Variants in HMCN1 observed in about 807,000 individuals in gnomAD.
HMCN1 encodes hemicentin 1, also known as hemicentin-1.
Under a neutral mutation model 625.9 loss-of-function variants are expected in HMCN1, and 321 were observed. The ratio of observed to expected loss-of-function variants is 0.51; its 90% CI spans 0.47 to 0.56. HMCN1 has a LOEUF of 0.56. HMCN1 is among the 20% of genes least tolerant of loss of function. HMCN1 has a pLI of 0.00. For missense variants in HMCN1, 6,588 were observed against 6,887.3 expected (o/e 0.96, Z 1.54); for synonymous variants, 2,425 against 2,417.6 (o/e 1.00, Z -0.09).
At chr1:186,158,655 G>T (rs1481105102) in intron 97 of HMCN1, among the ~76,000 whole-genome samples, 2 of 152,050 alleles carry the variant, frequency 1.3e-5, no homozygotes, top group Non-Finnish European at 2.9e-5. Context: ...TCTACATATG[G>T]CTAGCCAGTT....
At chr1:185,892,583 G>T (rs940292715) in intron 4 of HMCN1, among the ~76,000 whole-genome samples, 1 of 152,172 alleles carries the variant, frequency 6.6e-6, no homozygotes, top group Admixed American at 6.5e-5. Flanking sequence ...TGAGGTGTCA[G>T]TGTGCCCCTG....
At chr1:185,751,847 TA>T (rs1654836169) in intron 1 of HMCN1, among the ~76,000 whole-genome samples, 1 of 152,124 alleles carries the variant, frequency 6.6e-6, no homozygotes, top group East Asian at 1.9e-4. Context: ...CAAATCTGCT[TA>T]TTTTTTGTTT....
chr1:186,095,395 ACAG>A lies in HMCN1; in HGVS notation c.10448_10450del (p.Thr3483_Val3484delinsIle). On this transcript the variant is annotated inframe_deletion, in exon 68 of 107. Transcript: ENST00000271588. ...GCCTCTGGGGCTTGATGCCCATCTG[ACAG>A]TCAGCACCCATGGAATGGTCCTGCA... The A allele has an allele frequency of 6.2e-7, 1 of 1,613,728 alleles. No homozygotes were observed. Among genetic ancestry groups the A allele is most frequent in the South Asian group, 1.1e-5 (1 of 91,074 alleles).
At chr1:185,797,055 G>T (rs7544394) in intron 1 of HMCN1, among the ~76,000 whole-genome samples, 6,237 of 152,150 alleles carry the variant, frequency 0.041, 418 homozygotes, top group African/African-American at 0.14. Context: ...GTGTAAGATG[G>T]TATCTCATTG....
At chr1:185,956,774 T>C (rs1649661961) in intron 11 of HMCN1, among the ~76,000 whole-genome samples, 1 of 152,222 alleles carries the variant, frequency 6.6e-6, no homozygotes. Context: ...TTGATCTTTC[T>C]GGTGAATTAG....
intron 10 of HMCN1, among the ~76,000 whole-genome samples, chr1:185,932,018 C>G (rs1667575766): frequency 6.6e-6 from 1 of 152,036 alleles, no homozygotes; most frequent in Non-Finnish European, 1.5e-5. Flanking sequence ...ATGTGTGACC[C>G]AAATATTGCA....
Position 186,093,477 on chromosome 1 carries a change from A to C in HMCN1, c.10013-9A>C. 5 of 1,612,882 alleles carry C rather than the reference A, an allele frequency of 3.1e-6. No individual in the cohort carries two copies. The highest frequency in any genetic ancestry group is 4.2e-6 in the Non-Finnish European group (5 of 1,179,338). ...CTCTTCCCTCTCTCTCACTTTCTGC[A>C]CAACATAGTTACACCTACAATTAGG... On this transcript the variant is annotated splice_polypyrimidine_tract_variant and intron_variant, in intron 65 of 106. Transcript: ENST00000271588.
chr1:186,041,289 T>G (rs1443682165), intron 40 of HMCN1, among the ~76,000 whole-genome samples, 153 bp downstream of exon 40: 1 of 152,146 alleles, frequency 6.6e-6, no homozygotes, highest in African/African-American at 2.4e-5. Flanking sequence ...TCTTTCTGCC[T>G]TATATCTGAC....
chr1:186,168,813 T>G (rs377175195), intron 100 of HMCN1, among the ~76,000 whole-genome samples: 3 of 152,202 alleles, frequency 2.0e-5, no homozygotes, highest in East Asian at 3.9e-4. Flanking sequence ...GTACAGAAAG[T>G]GCAGGTTTGT....
At chr1:185,738,077 T>G (rs1360835357) in intron 1 of HMCN1, among the ~76,000 whole-genome samples, 3 of 152,204 alleles carry the variant, frequency 2.0e-5, no homozygotes, top group Non-Finnish European at 4.4e-5. Flanking sequence ...GATTTTGATG[T>G]TAACGGTGGT....
In HMCN1 at chr1:186,171,455, G is replaced by T. The variant is rs772671606; in HGVS notation, c.15688+5G>T. On this transcript the variant is annotated splice_donor_5th_base_variant and intron_variant, in intron 101 of 106. Coordinates refer to ENST00000271588, the MANE Select transcript of HMCN1 (RefSeq NM_031935.3). ...TCAAAGGCAGAAAATGCATGGGTAA[G>T]AAAAGGGCTTTGAATTTAAAGGAAT... 5.0e-6 allele frequency: 8 copies of T among 1,594,306 alleles called. No individual in the cohort carries two copies. The South Asian group carries it at 6.6e-5, about 13-fold the overall frequency.
At chr1:186,051,382 T>C (rs1387488670) in intron 42 of HMCN1, among the ~76,000 whole-genome samples, 1 of 152,010 alleles carries the variant, frequency 6.6e-6, no homozygotes, top group Non-Finnish European at 1.5e-5. Context: ...AGGGTTGAGT[T>C]CAGTTTTGGA....
At chr1:186,102,476 A>C (rs1471349538) in intron 68 of HMCN1, among the ~76,000 whole-genome samples, 1 of 152,098 alleles carries the variant, frequency 6.6e-6, no homozygotes, top group African/African-American at 2.4e-5. Context: ...ACAGAAACAC[A>C]CAAAAAAGTG....
chr1:186,040,876 A>T, intron 39 of HMCN1, 137 bp from the exon 40 acceptor site: 1 of 840,536 alleles, frequency 1.2e-6, no homozygotes, highest in Non-Finnish European at 2.0e-6. Context: ...ATGTTTGCCT[A>T]CTTAAAAATG....
At chr1:185,846,700 G>A (rs1661840370) in intron 2 of HMCN1, among the ~76,000 whole-genome samples, 2 of 152,082 alleles carry the variant, frequency 1.3e-5, no homozygotes, top group African/African-American at 4.8e-5. Flanking sequence ...TATGGTCTCT[G>A]CCTCTGTTAT....
rs1222143965 is a variant in HMCN1 at position 186,058,860 on chromosome 1, TC to T, written c.7312+1462del. The stretch of plus-strand genomic sequence containing the variant: ...AAAAACCTAAGTTCCCCCTGTTTCT[TC>T]CCGATCTTGGTTTATAACTGATAGG... On this transcript the variant is annotated intron_variant, in intron 46 of 106. Transcript: ENST00000271588. Among the ~76,000 whole-genome samples the T allele has an allele frequency of 3.9e-5, 6 of 152,062 alleles. No individual in the cohort carries two copies. In the East Asian group the frequency reaches 1.2e-3, roughly 29 times the overall value.
intron 30 of HMCN1, 46 bp from the exon 31 acceptor site, chr1:186,015,113 A>T: frequency 1.3e-6 from 2 of 1,527,336 alleles, no homozygotes; most frequent in Non-Finnish European, 1.8e-6. Flanking sequence ...TTTGATGAAG[A>T]TGCTGAAACT....
At chr1:185,996,939 G>C (rs1249142254) in intron 24 of HMCN1, among the ~76,000 whole-genome samples, 1 of 152,096 alleles carries the variant, frequency 6.6e-6, no homozygotes, top group African/African-American at 2.4e-5. Context: ...GTGTTTCAGA[G>C]AGAGTATTCT....
chr1:186,097,389 G>A (rs79412157), intron 68 of HMCN1, among the ~76,000 whole-genome samples: 2 of 151,972 alleles, frequency 1.3e-5, no homozygotes, highest in African/African-American at 2.4e-5. Flanking sequence ...AGGGCCAACT[G>A]TGTATCCATG....
Sources: gnomAD v4.1 joint callset for allele counts (sites outside exome capture counted in the v4.1 genomes callset) on GRCh38, gnomAD v4.1.1 for gene constraint, MANE v1.5 for transcripts, NCBI Gene and HGNC (gene_info 2026-07-23, HGNC 2026-07-21) for gene names.